C19orf47: variants seen among roughly 807,000 people sequenced by gnomAD.
The protein encoded by C19orf47 is chromosome 19 open reading frame 47.
C19orf47 carries 18 observed loss-of-function variants against 32.3 expected under a neutral mutation model. The observed-to-expected ratio is 0.56, with a 90% CI of 0.39 to 0.83. C19orf47 has a LOEUF of 0.83. Among genes scored for constraint, C19orf47 ranks in the 40% least tolerant of loss-of-function variants. The probability of loss-of-function intolerance (pLI) is 0.00; values close to 1 mark genes in which losing one functional copy is unlikely to be tolerated. For missense variants in C19orf47, 484 were observed against 531.6 expected (o/e 0.91, Z 0.88); for synonymous variants, 202 against 211.1 (o/e 0.96, Z 0.37).
intron 1 of C19orf47, 89 bp from the exon 2 acceptor site, chr19:40,341,979 G>C: frequency 2.0e-6 from 3 of 1,531,086 alleles, no homozygotes; most frequent in Non-Finnish European, 2.6e-6. Context: ...GCATGCCAGA[G>C]GAATGTTCCT....
chr19:40,348,481 A>G, upstream of C19orf47: 1 of 1,496,552 alleles, frequency 6.7e-7, no homozygotes, highest in Non-Finnish European at 8.8e-7. Context: ...CTACCCCAAC[A>G]GGCCGCCACC....
chr19:40,295,903 C>T, the C19orf47 span, among the ~76,000 whole-genome samples: 1 of 152,076 alleles, frequency 6.6e-6, no homozygotes, highest in East Asian at 1.9e-4. Context: ...TGTGCCACCA[C>T]TCCTGGCTAA....
At chr19:40,298,377 TAAC>T in the C19orf47 span, among the ~76,000 whole-genome samples, 2 of 151,684 alleles carry the variant, frequency 1.3e-5, no homozygotes, top group East Asian at 1.9e-4. Context: ...ACCTCACTGA[TAAC>T]AACACCCTTG....
At chr19:40,303,239 A>AG in the C19orf47 span, among the ~76,000 whole-genome samples, 2 of 151,608 alleles carry the variant, frequency 1.3e-5, no homozygotes, top group South Asian at 4.2e-4. Context: ...AAAAAAAAAA[A>AG]CAGGCCAGGC....
intron 1 of C19orf47, among the ~76,000 whole-genome samples, chr19:40,345,009 C>T (rs1216600860): frequency 6.6e-6 from 1 of 152,190 alleles, no homozygotes; most frequent in Non-Finnish European, 1.5e-5. Flanking sequence ...AGCAGCAGGA[C>T]TTGGACCCCA....
At chr19:40,313,568 G>T in the C19orf47 span, among the ~76,000 whole-genome samples, 499 of 152,292 alleles carry the variant, frequency 3.3e-3, 3 homozygotes, top group African/African-American at 0.011. Context: ...GAAGAGATCT[G>T]CCTGCCTTGG....
chr19:40,299,190 G>A, the C19orf47 span, among the ~76,000 whole-genome samples: 32,995 of 151,732 alleles, frequency 0.22, 4,377 homozygotes, highest in African/African-American at 0.37. Flanking sequence ...TATTAAGAGA[G>A]CTAATATATA....
In C19orf47 at chr19:40,333,088, T is replaced by C. The variant is rs370391796; in HGVS notation, c.301+763A>G. On this transcript the variant is annotated intron_variant, in intron 5 of 8. Transcript: ENST00000683109. ...GCCTGGCCAAGATGGTGAAACCCCG[T>C]CTCTACTAAAAATACAAAAATTAGC... is the stretch of plus-strand genomic sequence containing the variant. Among the ~76,000 whole-genome samples, 82 of 151,920 alleles carry C rather than the reference T, an allele frequency of 5.4e-4. 1 individual carries two copies. The South Asian group carries it at 0.011, about 20-fold the overall frequency.
chr19:40,315,262 A>G (rs894325339), downstream of C19orf47, among the ~76,000 whole-genome samples: 1 of 152,212 alleles, frequency 6.6e-6, no homozygotes, highest in Non-Finnish European at 1.5e-5. Flanking sequence ...GTACCACCCC[A>G]ATGTCAGATG....
chr19:40,333,818 C>G, intron 5 of C19orf47, 33 bp downstream of exon 5: 2 of 1,498,248 alleles, frequency 1.3e-6, no homozygotes, highest in East Asian at 5.1e-5. Context: ...GTATAAAAAT[C>G]AAGGAAAAGA....
chr19:40,312,286 G>T, the C19orf47 span, among the ~76,000 whole-genome samples: 1 of 152,118 alleles, frequency 6.6e-6, no homozygotes, highest in Non-Finnish European at 1.5e-5. Context: ...GGTGGCTCAC[G>T]CCTGTAATCC....
At chr19:40,302,930 C>T in the C19orf47 span, among the ~76,000 whole-genome samples, 1 of 152,172 alleles carries the variant, frequency 6.6e-6, no homozygotes, top group Non-Finnish European at 1.5e-5. Context: ...TATACACCAC[C>T]TTCATGCCTA....
the C19orf47 span, among the ~76,000 whole-genome samples, chr19:40,314,376 G>A: frequency 6.6e-6 from 1 of 152,126 alleles, no homozygotes; most frequent in African/African-American, 2.4e-5. Flanking sequence ...GTGGTGAGCT[G>A]AGATTGCACC....
chr19:40,310,965 C>A, the C19orf47 span, among the ~76,000 whole-genome samples: 1 of 152,140 alleles, frequency 6.6e-6, no homozygotes, highest in Non-Finnish European at 1.5e-5. Flanking sequence ...ACACCAGGCG[C>A]AGTGGCTCAC....
At chr19:40,299,344 G>A in the C19orf47 span, 3 of 152,032 alleles carry the variant, frequency 2.0e-5, no homozygotes, top group Admixed American at 6.6e-5. Flanking sequence ...ATGAACAGTT[G>A]ATTAAATAGG....
intron 5 of C19orf47, among the ~76,000 whole-genome samples, chr19:40,331,953 G>A (rs559033072): frequency 1.4e-5 from 2 of 146,986 alleles, no homozygotes; most frequent in African/African-American, 2.5e-5. Flanking sequence ...CAGGAGAATC[G>A]CTTGAACCCA....
At chr19:40,335,218 C>A (rs936369604) in intron 4 of C19orf47, among the ~76,000 whole-genome samples, 128 of 152,154 alleles carry the variant, frequency 8.4e-4, no homozygotes, top group Non-Finnish European at 1.3e-3. Flanking sequence ...AGCATCAGGG[C>A]TGTGTGAGAA....
chr19:40,314,540 T>C (rs1236745346), downstream of C19orf47, among the ~76,000 whole-genome samples: 1 of 152,140 alleles, frequency 6.6e-6, no homozygotes, highest in Admixed American at 6.5e-5. Context: ...GAAAGTAACG[T>C]TGGATGATAA....
At chr19:40,345,264 A>G (rs2078250034) in intron 1 of C19orf47, among the ~76,000 whole-genome samples, 1 of 151,888 alleles carries the variant, frequency 6.6e-6, no homozygotes. Flanking sequence ...AGCTCCCAAA[A>G]CTCAAGGGAT....
Sources: allele counts gnomAD v4.1 joint callset (sites outside exome capture counted in the v4.1 genomes callset), GRCh38; gene constraint gnomAD v4.1.1; transcripts MANE v1.5; gene names NCBI Gene and HGNC (gene_info 2026-07-23, HGNC 2026-07-21).